The following ZAR1 variants were observed in gnomAD, a reference collection of about 807,000 sequenced individuals.
ZAR1 encodes zygote arrest protein 1.
A neutral mutation model predicts 38.3 loss-of-function variants in ZAR1; 37 were observed. The ratio of observed to expected loss-of-function variants is 0.97; its 90% CI spans 0.74 to 1.27. The LOEUF (loss-of-function observed/expected upper bound fraction) is 1.27. Ranked by LOEUF, ZAR1 falls within the 50% of genes most tolerant of loss-of-function variation. The pLI, the probability that ZAR1 is intolerant of heterozygous loss-of-function variation, is 0.00. For missense variants in ZAR1, 651 were observed against 632.4 expected (o/e 1.03, Z -0.32); for synonymous variants, 336 against 292.0 (o/e 1.15, Z -1.53).
rs768349689 is a variant in ZAR1 at position 48,490,774 on chromosome 4, G to GC, written c.484dup (p.Gln162ProfsTer190). The GC allele has an allele frequency of 2.0e-6, 3 of 1,488,130 alleles. No homozygotes were observed. Among genetic ancestry groups the GC allele is most frequent in the Non-Finnish European group, 2.7e-6 (3 of 1,124,962 alleles). 92.2% of individuals were successfully genotyped at this position (1,488,130 alleles called of 1,614,324 possible). A position where few individuals can be genotyped will look rare whatever the true frequency, so the allele number is the denominator to read the frequency against. On this transcript the variant is annotated frameshift_variant, in exon 1 of 4. Transcript: ENST00000327939. LOFTEE classifies it high-confidence loss of function. ...AGCAGCCATCCCGTCGAGGCCTGGA[G>GC]CAGGGCAGCCCCCAGAACGGCGCCC...
chr4:48,493,001 A>G lies in ZAR1; in HGVS notation c.1120A>G (p.Ile374Val). 1 of 1,614,186 alleles carries G rather than the reference A, an allele frequency of 6.2e-7. No individual in the cohort carries two copies. Among genetic ancestry groups the G allele is most frequent in the Non-Finnish European group, 8.5e-7 (1 of 1,180,008 alleles). ...KSYNPYRVED[I>V]TCQSCKQTRC... The stretch of plus-strand genomic sequence containing the variant: ...TTATAACCCTTACCGAGTGGAGGAT[A>G]TCACCTGTCAAGTAAATCAGATGTT... Residue 374 changes from isoleucine (I) to valine (V), a missense_variant, in exon 3 of 4, where the codon ATC (isoleucine) becomes GTC (valine). This residue lies in a region of ZAR1 where 129 missense variants were observed against 172.5 expected (regional missense o/e 0.75). Transcript: ENST00000327939.
intron 1 of ZAR1, among the ~76,000 whole-genome samples, chr4:48,492,087 C>T (rs531210658): frequency 3.3e-5 from 5 of 152,164 alleles, no homozygotes; most frequent in Non-Finnish European, 7.3e-5. Context: ...CGTGGCTGTG[C>T]AGGAGCTGTG....
chr4:48,491,170 C>T lies in ZAR1; in HGVS notation c.879C>T (p.Gly293=), dbSNP rs1718431285. The T allele has an allele frequency of 1.6e-6, 2 of 1,238,390 alleles. No individual in the cohort carries two copies. The highest frequency in any genetic ancestry group is 1.0e-6 in the Non-Finnish European group (1 of 992,766). 76.7% of individuals were successfully genotyped at this position (1,238,390 alleles called of 1,614,324 possible). A position where few individuals can be genotyped will look rare whatever the true frequency, so the allele number is the denominator to read the frequency against. Residue 293 remains glycine (G), a synonymous_variant, in exon 1 of 4, where the codon GGC becomes GGT. Transcript: ENST00000327939. ...QPPSAGRARD[G]GDGREAAVAG... ...CGTCGGCGGGGAGGGCCCGAGACGG[C>T]GGCGACGGACGGGAGGCGGCCGTCG... is the stretch of plus-strand genomic sequence containing the variant.
rs1718430228 is a variant in ZAR1, at chr4:48,491,149, G to T, written c.858G>T (p.Ser286=). 1.6e-6 allele frequency: 2 copies of T among 1,241,110 alleles called. No individual in the cohort carries two copies. The highest frequency in any genetic ancestry group is 4.2e-5 in the Admixed American group (1 of 23,702). 76.9% of individuals were successfully genotyped at this position (1,241,110 alleles called of 1,614,324 possible). A position where few individuals can be genotyped will look rare whatever the true frequency, so the allele number is the denominator to read the frequency against. The part of the protein sequence containing the change: ...SALRSPGQPP[S]AGRARDGGDG... Reference sequence around the variant, plus strand: ...TAAGGAGCCCGGGGCAACCTCCGTCGGCGGGGAGGGCCCGAGACGGCGGCG... The same window carrying T: ...TAAGGAGCCCGGGGCAACCTCCGTCTGCGGGGAGGGCCCGAGACGGCGGCG... The change falls in exon 1 of 4, where the codon TCG becomes TCT. Residue 286 remains serine, a synonymous_variant. Coordinates refer to ENST00000327939, the MANE Select transcript of ZAR1 (RefSeq NM_175619.3).
Position 48,490,424 on chromosome 4 carries a change from A to G in ZAR1, c.133A>G (p.Arg45Gly). Residue 45 changes from arginine (R) to glycine (G), a missense_variant, in exon 1 of 4, where the codon AGG becomes GGG. Coordinates refer to ENST00000327939, the MANE Select transcript of ZAR1 (RefSeq NM_175619.3). ...AAGGSWQQRG[R>G]GCLPASSPCS... ...GGGCGGCAGCTGGCAGCAGCGCGGCAGGGGCTGCCTTCCCGCCTCCTCCCC... is the reference window on the plus strand; with the variant it reads ...GGGCGGCAGCTGGCAGCAGCGCGGCGGGGGCTGCCTTCCCGCCTCCTCCCC... 1 of 1,481,944 alleles carries G rather than the reference A, an allele frequency of 6.7e-7. No individual in the cohort carries two copies. Among genetic ancestry groups the G allele is most frequent in the Non-Finnish European group, 8.9e-7 (1 of 1,120,834 alleles). 91.8% of individuals were successfully genotyped at this position (1,481,944 alleles called of 1,614,324 possible).
chr4:48,490,829 G>A lies in ZAR1; in HGVS notation c.538G>A (p.Ala180Thr). The A allele has an allele frequency of 1.3e-6, 2 of 1,505,966 alleles. No homozygotes were observed. The highest frequency in any genetic ancestry group is 2.2e-4 in the Middle Eastern group (1 of 4,636). The allele number at this position is 1,505,966 out of a possible 1,614,324, so 93.3% of individuals were successfully genotyped here. A position where few individuals can be genotyped will look rare whatever the true frequency, so the allele number is the denominator to read the frequency against. Residue 180 changes from alanine to threonine, a missense_variant, in exon 1 of 4, where the codon GCC (alanine) becomes ACC (threonine). This residue lies in a region of ZAR1 where 522 missense variants were observed against 459.9 expected (regional missense o/e 1.14). Coordinates refer to ENST00000327939, the MANE Select transcript of ZAR1 (RefSeq NM_175619.3). ...GCCCATGCGCTTCCCGCGCACCGTC[G>A]CCGTGTACTCGCCCCTGGCCTTGCG... The part of the protein sequence containing the change: ...PRPMRFPRTV[A>T]VYSPLALRRL...
chr4:48,495,734 A>C (rs1470297403), downstream of ZAR1, among the ~76,000 whole-genome samples: 1 of 152,232 alleles, frequency 6.6e-6, no homozygotes, highest in East Asian at 1.9e-4. Context: ...AGCCCTGCTT[A>C]AAAGAACGAT....
At chr4:48,491,424 G>A (rs1300204316) in intron 1 of ZAR1, among the ~76,000 whole-genome samples, 170 bp downstream of exon 1, 1 of 152,236 alleles carries the variant, frequency 6.6e-6, no homozygotes, top group African/African-American at 2.4e-5. Context: ...TTCCTTGACA[G>A]CACAGTCTCA....
Position 48,493,014 on chromosome 4 carries a change from TA to T in ZAR1, c.1131+5del. Reference sequence around the variant, plus strand: ...CGAGTGGAGGATATCACCTGTCAAGTAAATCAGATGTTTTGCATTTTGTCTG... The same window carrying T: ...CGAGTGGAGGATATCACCTGTCAAGTAATCAGATGTTTTGCATTTTGTCTG... On this transcript the variant is annotated splice_donor_region_variant and intron_variant, in intron 3 of 3. Transcript: ENST00000327939. 5 of 1,614,114 alleles carry T rather than the reference TA, an allele frequency of 3.1e-6. No homozygotes were observed. The highest frequency in any genetic ancestry group is 4.2e-6 in the Non-Finnish European group (5 of 1,179,944).
intron 3 of ZAR1, among the ~76,000 whole-genome samples, chr4:48,493,737 TAGATC>T (rs1439261392): frequency 2.6e-5 from 4 of 152,222 alleles, no homozygotes; most frequent in African/African-American, 9.6e-5. Flanking sequence ...TAGAATCACT[TAGATC>T]AGAGCTGGGC....
Position 48,491,044 on chromosome 4 carries a change from G to T in ZAR1, c.753G>T (p.Ala251=). The change falls in exon 1 of 4, where the codon GCG becomes GCT. Residue 251 remains alanine (A), a synonymous_variant. Transcript: ENST00000327939. Reference sequence around the variant, plus strand: ...GCGAGGCCCAGGCCGCAGTCCGAGCGAGCTGGGAGCAGCCGGCCGACGGTC... The same window carrying T: ...GCGAGGCCCAGGCCGCAGTCCGAGCTAGCTGGGAGCAGCCGGCCGACGGTC... ...DDGEAQAAVR[A]SWEQPADGPE... is the part of the protein sequence containing the mutation. 2.2e-6 allele frequency: 3 copies of T among 1,343,846 alleles called. No individual in the cohort carries two copies. Among genetic ancestry groups the T allele is most frequent in the Non-Finnish European group, 2.8e-6 (3 of 1,053,768 alleles). 83.2% of individuals were successfully genotyped at this position (1,343,846 alleles called of 1,614,324 possible).
downstream of ZAR1, among the ~76,000 whole-genome samples, chr4:48,495,106 CACTG>C (rs533158095): frequency 6.6e-5 from 10 of 152,066 alleles, no homozygotes; most frequent in East Asian, 1.7e-3. Context: ...CTTTTGTCTT[CACTG>C]ACTTAGTGCT....
intron 1 of ZAR1, among the ~76,000 whole-genome samples, chr4:48,491,630 T>C (rs1001518874): frequency 6.6e-6 from 1 of 151,990 alleles, no homozygotes; most frequent in Non-Finnish European, 1.5e-5. Context: ...GGCTGGAGAG[T>C]CGATTCCCAA....
At chr4:48,494,517 GAGTT>G (rs1233407410), downstream of ZAR1, 3 of 391,860 alleles carry the variant, frequency 7.7e-6, no homozygotes, top group African/African-American at 6.2e-5. Context: ...GCCAGGCTCT[GAGTT>G]AGGCTGCAGC....
At chr4:48,492,681 A>C (rs1045724639) in intron 1 of ZAR1, 85 bp from the exon 2 acceptor site, 1 of 1,381,882 alleles carries the variant, frequency 7.2e-7, no homozygotes. Flanking sequence ...GCCAATTTCA[A>C]ATATCAAGTA....
chr4:48,490,521 G>A lies in ZAR1; in HGVS notation c.230G>A (p.Ser77Asn). The A allele has an allele frequency of 2.0e-6, 3 of 1,473,944 alleles. No homozygotes were observed. Among genetic ancestry groups the A allele is most frequent in the Non-Finnish European group, 2.7e-6 (3 of 1,121,834 alleles). 91.3% of individuals were successfully genotyped at this position (1,473,944 alleles called of 1,614,324 possible). A position where few individuals can be genotyped will look rare whatever the true frequency, so the allele number is the denominator to read the frequency against. Residue 77 changes from serine (S) to asparagine (N), a missense_variant, in exon 1 of 4, where the codon AGC (serine) becomes AAC (asparagine). Around this residue, in one of 2 missense-constraint regions of ZAR1, gnomAD observed 522 missense variants for 459.9 expected, o/e 1.14. Coordinates refer to ENST00000327939, the MANE Select transcript of ZAR1 (RefSeq NM_175619.3). ...GRLTAAEYFDSYQRERLMALL... is the reference protein window; with the variant it reads ...GRLTAAEYFDNYQRERLMALL... ...CTGACGGCCGCCGAGTACTTCGACA[G>A]CTACCAGCGGGAGCGGCTCATGGCT...
downstream of ZAR1, among the ~76,000 whole-genome samples, chr4:48,496,880 T>C (rs938253338): frequency 1.4e-4 from 21 of 152,212 alleles, 1 homozygote; most frequent in African/African-American, 5.1e-4. Flanking sequence ...TTTCTCCTTT[T>C]GTTTAGGTTA....
chr4:48,492,309 T>G (rs1349971446), intron 1 of ZAR1, among the ~76,000 whole-genome samples: 2 of 152,180 alleles, frequency 1.3e-5, no homozygotes, highest in African/African-American at 4.8e-5. Flanking sequence ...TACGTACGAT[T>G]TAGGTTCCTG....
In ZAR1 at chr4:48,490,568, G is replaced by T. The variant is rs1718396918; in HGVS notation, c.277G>T (p.Gly93Cys). The T allele has an allele frequency of 1.4e-6, 2 of 1,407,224 alleles. No homozygotes were observed. Among genetic ancestry groups the T allele is most frequent in the African/African-American group, 1.5e-5 (1 of 65,968 alleles). The allele number at this position is 1,407,224 out of a possible 1,614,324, so 87.2% of individuals were successfully genotyped here. A position where few individuals can be genotyped will look rare whatever the true frequency, so the allele number is the denominator to read the frequency against. ...LMALLAQVGP[G>C]LGPRARRAGS... ...GGCTCTCCTGGCGCAGGTGGGGCCG[G>T]GTCTCGGGCCGCGCGCCCGCAGGGC... Residue 93 changes from glycine to cysteine, a missense_variant, in exon 1 of 4, where the codon GGT (glycine) becomes TGT (cysteine). Physicochemically the swap from Gly to Cys is radical, Grantham distance 159 (BLOSUM62 -3). Around this residue, in one of 2 missense-constraint regions of ZAR1, gnomAD observed 522 missense variants for 459.9 expected, o/e 1.14. Coordinates refer to ENST00000327939, the MANE Select transcript of ZAR1 (RefSeq NM_175619.3).
Sources: gnomAD v4.1 joint callset for allele counts (sites outside exome capture counted in the v4.1 genomes callset) on GRCh38, gnomAD v4.1.1 for gene constraint, gnomAD v4.1.1 regional missense constraint, MANE v1.5 for transcripts, NCBI Gene and HGNC (gene_info 2026-07-23, HGNC 2026-07-21) for gene names.